The following CNKSR3 variants were observed in gnomAD, a reference collection of about 807,000 sequenced individuals.
CNKSR3 encodes connector enhancer of kinase suppressor of ras 3.
In CNKSR3, 36 loss-of-function variants were observed where a neutral mutation model predicts 67.7. The ratio of observed to expected loss-of-function variants is 0.53; its 90% CI spans 0.41 to 0.70. The LOEUF (loss-of-function observed/expected upper bound fraction) is 0.70, where lower values mean the gene tolerates loss of function less well. CNKSR3 is among the 30% of genes least tolerant of loss of function. The pLI is 0.00. For missense variants in CNKSR3, 630 were observed against 695.2 expected (o/e 0.91, Z 1.05); for synonymous variants, 281 against 271.4 (o/e 1.04, Z -0.35).
rs925070999 is a variant in CNKSR3 at position 154,435,881 on chromosome 6, A to G, written c.508-2374T>C. On this transcript the variant is annotated intron_variant, in intron 4 of 12. Coordinates refer to ENST00000607772, the MANE Select transcript of CNKSR3 (RefSeq NM_173515.4). ...GTTTCCTTCTTTCTAAAATGGGGTG[A>G]TAACAAAGCCTACCTCTGAGATTTG... Among the ~76,000 whole-genome samples the G allele has an allele frequency of 9.8e-5, 15 of 152,386 alleles. 2 individuals are homozygous for G. The highest frequency in any genetic ancestry group is 1.3e-4 in the Admixed American group (2 of 15,308).
At position 154,390,102 on chromosome 6, in the gene CNKSR3, G is replaced by A. The variant is rs1166215900; in HGVS notation, c.*16252C>T. 1.3e-5 allele frequency: 2 copies of A among 151,910 alleles called. No individual in the cohort carries two copies. The highest frequency in any genetic ancestry group is 1.9e-4 in the East Asian group (1 of 5,188). The allele number at this position is 151,910 out of a possible 1,614,324, so 9.4% of individuals were successfully genotyped here. On this transcript the variant is annotated 3_prime_UTR_variant, in exon 13 of 13. Transcript: ENST00000607772. Reference sequence around the variant, plus strand: ...GAAAATAATAAAAGGAACACCCCATGTACCCATTATCCTAACCAAGAACTA... The same window carrying A: ...GAAAATAATAAAAGGAACACCCCATATACCCATTATCCTAACCAAGAACTA...
chr6:154,409,880 C>CAAAAAAAAA (rs1374490121), intron 12 of CNKSR3, among the ~76,000 whole-genome samples: 2 of 90,436 alleles, frequency 2.2e-5, no homozygotes, highest in African/African-American at 4.9e-5. Context: ...TCTGTCTCTA[C>CAAAAAAAAA]CAAAAAAAAA....
chr6:154,450,337 T>C, intron 1 of CNKSR3, 79 bp from the exon 2 acceptor site: 1 of 1,392,486 alleles, frequency 7.2e-7, no homozygotes, highest in Non-Finnish European at 1.0e-6. Context: ...ACATGTCACA[T>C]CAATCTCAGC....
intron 2 of CNKSR3, among the ~76,000 whole-genome samples, chr6:154,446,159 C>A (rs1283414018): frequency 6.6e-6 from 1 of 152,146 alleles, no homozygotes. Flanking sequence ...TGAGATCTCA[C>A]TTCCTAGGGT....
intron 4 of CNKSR3, 167 bp from the exon 5 acceptor site, chr6:154,433,674 G>C: frequency 1.6e-6 from 1 of 606,190 alleles, no homozygotes; most frequent in Non-Finnish European, 3.0e-6. Context: ...GGCAGAGTGG[G>C]AACAGAGCTG....
At chr6:154,410,128 T>C (rs909030052) in intron 12 of CNKSR3, among the ~76,000 whole-genome samples, 8 of 152,210 alleles carry the variant, frequency 5.3e-5, no homozygotes, top group African/African-American at 1.9e-4. Flanking sequence ...ATATTTACAA[T>C]CACTAACTAG....
Position 154,419,949 on chromosome 6 carries a change from G to A in CNKSR3, c.945+2557C>T, listed in dbSNP as rs547525923. On this transcript the variant is annotated intron_variant, in intron 9 of 12. Coordinates refer to ENST00000607772, the MANE Select transcript of CNKSR3 (RefSeq NM_173515.4). ...ACAAAAATTAGCTGGGCGTAGTGGC[G>A]GGCACTTGTAATTTCAGCTACTCAG... Among the ~76,000 whole-genome samples, 8 of 152,062 alleles carry A rather than the reference G, an allele frequency of 5.3e-5. No individual in the cohort carries two copies. The South Asian group carries it at 8.3e-4, about 16-fold the overall frequency.
chr6:154,416,570 TAACTCTC>T lies in CNKSR3; in HGVS notation c.946-2154_946-2148del, dbSNP rs1158669976. Among the ~76,000 whole-genome samples, 9 of 152,324 alleles carry T rather than the reference TAACTCTC, an allele frequency of 5.9e-5. No individual in the cohort carries two copies. In the East Asian group the frequency reaches 1.2e-3, roughly 20 times the overall value. On this transcript the variant is annotated intron_variant, in intron 9 of 12. Transcript: ENST00000607772. ...ATATTGATAATTACTTCTATATCAG[TAACTCTC>T]ATTTCCCAGGAGTGTGGCATCAAAA...
At chr6:154,450,356 A>G (rs2128719182) in intron 1 of CNKSR3, 98 bp from the exon 2 acceptor site, 3 of 1,210,790 alleles carry the variant, frequency 2.5e-6, no homozygotes, top group African/African-American at 1.5e-5. Flanking sequence ...GCAATCAACA[A>G]TTATGATGCC....
intron 1 of CNKSR3, among the ~76,000 whole-genome samples, chr6:154,461,767 A>G (rs1418487207): frequency 6.6e-6 from 1 of 152,268 alleles, no homozygotes; most frequent in Non-Finnish European, 1.5e-5. Context: ...CTTATAAGTA[A>G]CTGGCCTAAA....
chr6:154,463,010 T>G (rs1786114218), intron 1 of CNKSR3, among the ~76,000 whole-genome samples: 1 of 152,170 alleles, frequency 6.6e-6, no homozygotes, highest in South Asian at 2.1e-4. Context: ...AGTTTGGAGA[T>G]GCATAAATCA....
chr6:154,468,472 C>T (rs1426294308), intron 1 of CNKSR3, among the ~76,000 whole-genome samples: 1 of 151,756 alleles, frequency 6.6e-6, no homozygotes, highest in East Asian at 1.9e-4. Context: ...CTTTGTATCA[C>T]AGTCACTTCT....
At chr6:154,441,012 T>C (rs1440722637) in intron 4 of CNKSR3, among the ~76,000 whole-genome samples, 1 of 152,032 alleles carries the variant, frequency 6.6e-6, no homozygotes, top group East Asian at 1.9e-4. Flanking sequence ...TTAAGTGCTC[T>C]AACATTTTAG....
intron 1 of CNKSR3, among the ~76,000 whole-genome samples, chr6:154,454,033 G>T (rs1295440785): frequency 7.0e-6 from 1 of 142,426 alleles, no homozygotes; most frequent in Non-Finnish European, 1.5e-5. Flanking sequence ...CATGAAATCT[G>T]GCTGCATATA....
chr6:154,460,524 AC>A (rs1246287129), intron 1 of CNKSR3, among the ~76,000 whole-genome samples: 1 of 152,238 alleles, frequency 6.6e-6, no homozygotes, highest in Admixed American at 6.5e-5. Flanking sequence ...GTAAACATGT[AC>A]TTTCCAAGGT....
chr6:154,442,608 G>C (rs752915061), intron 2 of CNKSR3, among the ~76,000 whole-genome samples: 6 of 151,676 alleles, frequency 4.0e-5, no homozygotes, highest in East Asian at 3.9e-4. Context: ...GGCAACAGAG[G>C]GAGACTCTGT....
chr6:154,479,217 GA>G lies in CNKSR3; in HGVS notation c.53-28960del, dbSNP rs34458416. On this transcript the variant is annotated intron_variant, in intron 1 of 12. Coordinates refer to ENST00000607772, the MANE Select transcript of CNKSR3 (RefSeq NM_173515.4). Reference sequence around the variant, plus strand: ...TCCCAATAAAGGAGATGGATTCAGAGAAAAAAAAAAAAAATATTCTTTCAGT... The same window carrying G: ...TCCCAATAAAGGAGATGGATTCAGAGAAAAAAAAAAAAATATTCTTTCAGT... 3.0e-3 allele frequency among the ~76,000 whole-genome samples: 302 copies of G among 101,312 alleles called. 1 individual carries two copies. Among genetic ancestry groups the G allele is most frequent in the Middle Eastern group, 0.015 (3 of 206 alleles). 66.5% of individuals were successfully genotyped at this position (101,312 alleles called of 152,430 possible).
At chr6:154,476,686 G>C (rs571340263) in intron 1 of CNKSR3, among the ~76,000 whole-genome samples, 8 of 152,190 alleles carry the variant, frequency 5.3e-5, no homozygotes, top group African/African-American at 1.9e-4. Flanking sequence ...TACGAGTATC[G>C]GTAGGCCCTG....
rs897584064 is a variant in CNKSR3, at chr6:154,414,482, G to T, written c.946-59C>A. ...GGAGATCAATTCAGAGATGATTCTTGGTGTTTATTTCCCCTCCCCCAAACC... is the reference window on the plus strand; with the variant it reads ...GGAGATCAATTCAGAGATGATTCTTTGTGTTTATTTCCCCTCCCCCAAACC... On this transcript the variant is annotated intron_variant, in intron 9 of 12. Transcript: ENST00000607772. The T allele has an allele frequency of 2.6e-6, 4 of 1,543,016 alleles. No homozygotes were observed. The African/African-American group carries it at 5.5e-5, about 21-fold the overall frequency.
Sources: gnomAD v4.1 joint callset for allele counts (sites outside exome capture counted in the v4.1 genomes callset) on GRCh38, gnomAD v4.1.1 for gene constraint, MANE v1.5 for transcripts, NCBI Gene and HGNC (gene_info 2026-07-23, HGNC 2026-07-21) for gene names.